NBAS: variants seen among roughly 807,000 people sequenced by gnomAD.
The protein encoded by NBAS is NBAS subunit of NRZ tethering complex.
A neutral mutation model predicts 302.5 loss-of-function variants in NBAS; 219 were observed. The ratio of observed to expected loss-of-function variants is 0.72; its 90% CI spans 0.65 to 0.81. NBAS has a LOEUF of 0.81. Among genes scored for constraint, NBAS ranks in the 30% least tolerant of loss-of-function variants. The pLI, the probability that NBAS is intolerant of heterozygous loss-of-function variation, is 0.00. For missense variants in NBAS, 2,932 were observed against 2,841.6 expected (o/e 1.03, Z -0.72); for synonymous variants, 1,118 against 1,021.6 (o/e 1.09, Z -1.80).
At chr2:14,807,481 G>A in the NBAS span, among the ~76,000 whole-genome samples, 1 of 133,598 alleles carries the variant, frequency 7.5e-6, no homozygotes, top group Admixed American at 7.5e-5. Context: ...GTGTGTGTGT[G>A]TGTGTAACCG....
At chr2:15,468,132 A>G (rs767669883) in intron 17 of NBAS, among the ~76,000 whole-genome samples, 15 of 110,682 alleles carry the variant, frequency 1.4e-4, no homozygotes, top group Non-Finnish European at 2.5e-4. Flanking sequence ...ACTTCTACTT[A>G]AGGTCTTCAA....
At chr2:15,527,647 C>G (rs2287278) in intron 9 of NBAS, among the ~76,000 whole-genome samples, 97,054 of 151,410 alleles carry the variant, frequency 0.64, 31,801 homozygotes, top group Non-Finnish European at 0.68. Flanking sequence ...TGTCTTAAAG[C>G]CCTCATGTCT....
chr2:15,263,925 G>T (rs1668959868), intron 44 of NBAS, among the ~76,000 whole-genome samples: 1 of 152,216 alleles, frequency 6.6e-6, no homozygotes, highest in Non-Finnish European at 1.5e-5. Flanking sequence ...GAAGCAGTAG[G>T]CACTAGCAGT....
At chr2:15,216,086 T>C (rs1327733098) in intron 48 of NBAS, among the ~76,000 whole-genome samples, 1 of 152,172 alleles carries the variant, frequency 6.6e-6, no homozygotes, top group Non-Finnish European at 1.5e-5. Flanking sequence ...TCCTTCAAAA[T>C]AGATTTCAAT....
the NBAS span, among the ~76,000 whole-genome samples, chr2:14,884,577 G>A: frequency 1.3e-5 from 2 of 152,146 alleles, 1 homozygote; most frequent in South Asian, 4.1e-4. Flanking sequence ...GCATGGTTTT[G>A]TATTTAGTTA....
At chr2:14,894,743 A>C in the NBAS span, among the ~76,000 whole-genome samples, 1 of 152,162 alleles carries the variant, frequency 6.6e-6, no homozygotes, top group African/African-American at 2.4e-5. Context: ...CAATGCACAA[A>C]ATATAAATTG....
intron 47 of NBAS, among the ~76,000 whole-genome samples, chr2:15,231,806 G>C (rs1475874815): frequency 6.6e-6 from 1 of 152,122 alleles, no homozygotes; most frequent in Admixed American, 6.5e-5. Flanking sequence ...GAAAATTGGG[G>C]AGAGGACTTA....
At position 15,412,951 on chromosome 2, in the gene NBAS, G is replaced by GT. The variant is rs1251815917; in HGVS notation, c.2937+2594dup. 8.5e-5 allele frequency among the ~76,000 whole-genome samples: 13 copies of GT among 152,246 alleles called. No individual in the cohort carries two copies. The East Asian group carries it at 2.3e-3, about 27-fold the overall frequency. On this transcript the variant is annotated intron_variant, in intron 25 of 51. Coordinates refer to ENST00000281513, the MANE Select transcript of NBAS (RefSeq NM_015909.4). ...AATCCAAAACTACAAGAGCCTAACC[G>GT]TAACTCCAAGATTACAAAGCCCTAT...
chr2:14,860,517 C>A, the NBAS span, among the ~76,000 whole-genome samples: 1 of 152,084 alleles, frequency 6.6e-6, no homozygotes, highest in East Asian at 1.9e-4. Flanking sequence ...TGAATGATAT[C>A]CTTTCATTTG....
intron 21 of NBAS, among the ~76,000 whole-genome samples, chr2:15,456,708 G>A (rs1395161340): frequency 6.6e-6 from 1 of 152,024 alleles, no homozygotes; most frequent in Non-Finnish European, 1.5e-5. Context: ...TATTTCAGAA[G>A]GGGAAACAGA....
intron 35 of NBAS, among the ~76,000 whole-genome samples, chr2:15,334,861 A>C (rs1258833634): frequency 6.6e-6 from 1 of 152,256 alleles, no homozygotes; most frequent in Non-Finnish European, 1.5e-5. Context: ...AAAGAAACAT[A>C]ACACCACCAG....
At chr2:15,135,455 C>T in the NBAS span, among the ~76,000 whole-genome samples, 4 of 152,142 alleles carry the variant, frequency 2.6e-5, no homozygotes, top group Non-Finnish European at 5.9e-5. Flanking sequence ...AGCGGGCACC[C>T]GTGCTTGGGG....
intron 35 of NBAS, among the ~76,000 whole-genome samples, chr2:15,340,061 G>A (rs183416300): frequency 1.8e-4 from 28 of 152,278 alleles, no homozygotes; most frequent in Non-Finnish European, 2.9e-4. Context: ...GGGTGTCCTT[G>A]TAGATGACTA....
chr2:14,848,033 T>C, the NBAS span, among the ~76,000 whole-genome samples: 2 of 152,150 alleles, frequency 1.3e-5, no homozygotes, highest in Non-Finnish European at 2.9e-5. Flanking sequence ...GAATGACCAA[T>C]ATGTCAATGA....
At chr2:14,979,212 C>T in the NBAS span, among the ~76,000 whole-genome samples, 1 of 152,118 alleles carries the variant, frequency 6.6e-6, no homozygotes, top group African/African-American at 2.4e-5. Flanking sequence ...GCCTGGAACT[C>T]ATTTCTGCAT....
At chr2:15,209,134 GA>G (rs1246903225) in intron 48 of NBAS, among the ~76,000 whole-genome samples, 2 of 152,072 alleles carry the variant, frequency 1.3e-5, no homozygotes, top group African/African-American at 4.8e-5. Context: ...CAATACTGCA[GA>G]AACTCAAAGG....
chr2:15,087,144 T>A, the NBAS span, among the ~76,000 whole-genome samples: 1 of 151,542 alleles, frequency 6.6e-6, no homozygotes, highest in East Asian at 1.9e-4. Flanking sequence ...CCATCAGCTC[T>A]CCTAGGTCTC....
chr2:15,347,881 A>C (rs1385572703), intron 35 of NBAS, among the ~76,000 whole-genome samples: 1 of 152,230 alleles, frequency 6.6e-6, no homozygotes. Flanking sequence ...CAGGGACAAC[A>C]GCAATATCTT....
intron 35 of NBAS, among the ~76,000 whole-genome samples, chr2:15,349,731 A>G (rs1558260016): frequency 6.6e-6 from 1 of 152,188 alleles, no homozygotes; most frequent in African/African-American, 2.4e-5. Flanking sequence ...AAGCTGGTGG[A>G]TCACTTGAGG....
Sources: allele counts gnomAD v4.1 joint callset (sites outside exome capture counted in the v4.1 genomes callset), GRCh38; gene constraint gnomAD v4.1.1; transcripts MANE v1.5; gene names NCBI Gene and HGNC (gene_info 2026-07-23, HGNC 2026-07-21).